The following ANKS1B variants were observed in gnomAD, a reference collection of about 807,000 sequenced individuals.
ANKS1B encodes the protein ankyrin repeat and sterile alpha motif domain-containing protein 1B.
A neutral mutation model predicts 148.3 loss-of-function variants in ANKS1B; 36 were observed. That is an observed-to-expected ratio of 0.24 (90% confidence interval 0.19 to 0.32). The LOEUF (loss-of-function observed/expected upper bound fraction) is 0.32. Among genes scored for constraint, ANKS1B ranks in the 10% least tolerant of loss-of-function variants. The probability of loss-of-function intolerance (pLI) is 1.00; values close to 1 mark genes in which losing one functional copy is unlikely to be tolerated. For synonymous variants in ANKS1B, 542 were observed against 560.8 expected, an observed-to-expected ratio of 0.97 and a Z score of 0.47; for missense variants, 1,157 against 1,542.6, an observed-to-expected ratio of 0.75 and a Z score of 4.19.
At chr12:99,885,272 T>C (rs1956058029) in intron 1 of ANKS1B, among the ~76,000 whole-genome samples, 1 of 151,698 alleles carries the variant, frequency 6.6e-6, no homozygotes, top group African/African-American at 2.4e-5. Context: ...ATGCCTTTAC[T>C]GCCCAGTGTA....
intron 1 of ANKS1B, among the ~76,000 whole-genome samples, chr12:99,921,489 A>G (rs2094350863): frequency 6.6e-6 from 1 of 152,124 alleles, no homozygotes; most frequent in African/African-American, 2.4e-5. Flanking sequence ...AGGCAACTCC[A>G]CAGACTCTGG....
chr12:99,468,762 A>G (rs1378127765), intron 10 of ANKS1B, among the ~76,000 whole-genome samples: 8 of 152,176 alleles, frequency 5.3e-5, no homozygotes, highest in Admixed American at 2.6e-4. Flanking sequence ...ACCAGTTAGA[A>G]TGGCAATCAT....
intron 9 of ANKS1B, among the ~76,000 whole-genome samples, chr12:99,528,291 T>C (rs1461747153): frequency 1.3e-5 from 2 of 151,552 alleles, no homozygotes; most frequent in East Asian, 3.9e-4. Context: ...ACCTAGGAAA[T>C]ACCACTCTGG....
At chr12:99,859,346 A>T (rs1315967542) in intron 1 of ANKS1B, among the ~76,000 whole-genome samples, 4 of 152,246 alleles carry the variant, frequency 2.6e-5, no homozygotes, top group Non-Finnish European at 4.4e-5. Flanking sequence ...CTTTATGCAA[A>T]TCCACTGAGT....
At chr12:99,031,069 A>C (rs1275744241) in intron 17 of ANKS1B, among the ~76,000 whole-genome samples, 4 of 152,180 alleles carry the variant, frequency 2.6e-5, no homozygotes, top group African/African-American at 9.7e-5. Context: ...GACCCTTTAA[A>C]AGGAATTTCA....
intron 14 of ANKS1B, among the ~76,000 whole-genome samples, chr12:99,182,969 A>G (rs1371339077): frequency 1.3e-5 from 2 of 152,200 alleles, no homozygotes; most frequent in African/African-American, 4.8e-5. Flanking sequence ...CTTTTGAGAA[A>G]TGTCTATTCA....
intron 15 of ANKS1B, chr12:99,093,413 T>A (rs184430326): frequency 1.3e-5 from 2 of 152,360 alleles, no homozygotes; most frequent in Non-Finnish European, 2.9e-5. Flanking sequence ...TCTTCTGCAG[T>A]GCCTTGTCAA....
At chr12:98,895,093 CGGG>C (rs893413124) in intron 17 of ANKS1B, 1 of 976,678 alleles carries the variant, frequency 1.0e-6, no homozygotes, top group African/African-American at 1.8e-5. Context: ...GGCGGCGAGG[CGGG>C]GGGGAGGTGT....
At chr12:99,215,920 A>G (rs953132265) in intron 14 of ANKS1B, among the ~76,000 whole-genome samples, 2 of 152,088 alleles carry the variant, frequency 1.3e-5, no homozygotes, top group African/African-American at 2.4e-5. Flanking sequence ...AGGACAAGAG[A>G]TTTGGAAGGG....
intron 11 of ANKS1B, among the ~76,000 whole-genome samples, chr12:99,434,201 G>A (rs2152760420): frequency 6.6e-6 from 1 of 152,176 alleles, no homozygotes; most frequent in Middle Eastern, 3.4e-3. Context: ...ACCCTGTGCT[G>A]TCAATAATAA....
chr12:98,921,570 C>G (rs1475559261), intron 17 of ANKS1B, among the ~76,000 whole-genome samples: 1 of 152,058 alleles, frequency 6.6e-6, no homozygotes, highest in Admixed American at 6.6e-5. Flanking sequence ...AATATGTGAC[C>G]CTTTAGAACA....
chr12:99,147,776 C>T (rs577194609), intron 15 of ANKS1B, among the ~76,000 whole-genome samples: 1 of 151,722 alleles, frequency 6.6e-6, no homozygotes, highest in African/African-American at 2.4e-5. Flanking sequence ...TATTTGGAGG[C>T]ATGAGGAGAA....
At chr12:98,922,500 T>C (rs916626086) in intron 17 of ANKS1B, among the ~76,000 whole-genome samples, 1 of 152,164 alleles carries the variant, frequency 6.6e-6, no homozygotes, top group Non-Finnish European at 1.5e-5. Context: ...TTATTATTAT[T>C]TTATTTTTAT....
chr12:99,173,434 TGACC>T (rs1191449659), intron 14 of ANKS1B, among the ~76,000 whole-genome samples: 4 of 152,204 alleles, frequency 2.6e-5, no homozygotes, highest in African/African-American at 9.6e-5. Flanking sequence ...TCAGAGAATT[TGACC>T]CTCAATTCTG....
intron 11 of ANKS1B, among the ~76,000 whole-genome samples, chr12:99,421,869 C>T (rs753915407): frequency 2.6e-5 from 4 of 152,084 alleles, no homozygotes; most frequent in East Asian, 1.9e-4. Flanking sequence ...GTGCTGTCCT[C>T]GTGGCAATGT....
intron 9 of ANKS1B, among the ~76,000 whole-genome samples, chr12:99,518,345 C>A (rs2096842970): frequency 6.6e-6 from 1 of 152,160 alleles, no homozygotes; most frequent in African/African-American, 2.4e-5. Flanking sequence ...AGGTCCTAGG[C>A]TTTTATTTGC....
At chr12:99,842,920 T>A (rs2085992550) in intron 1 of ANKS1B, among the ~76,000 whole-genome samples, 1 of 152,208 alleles carries the variant, frequency 6.6e-6, no homozygotes, top group East Asian at 1.9e-4. Flanking sequence ...AACTATTTAG[T>A]TCGTCTACTT....
chr12:99,048,203 C>T (rs2099963711), intron 17 of ANKS1B, among the ~76,000 whole-genome samples: 1 of 152,150 alleles, frequency 6.6e-6, no homozygotes. Flanking sequence ...TAATTTTAAT[C>T]ACGAGAAGGG....
chr12:98,908,575 A>T (rs2099782582), intron 17 of ANKS1B, among the ~76,000 whole-genome samples: 1 of 152,244 alleles, frequency 6.6e-6, no homozygotes, highest in South Asian at 2.1e-4. Context: ...CATGTATATT[A>T]AGAGATGGAG....
Sources: allele counts gnomAD v4.1 joint callset (sites outside exome capture counted in the v4.1 genomes callset), GRCh38; gene constraint gnomAD v4.1.1; transcripts MANE v1.5; gene names NCBI Gene and HGNC (gene_info 2026-07-23, HGNC 2026-07-21).